Variants in STON1 observed in about 807,000 individuals in gnomAD.
STON1 encodes the protein stonin-1.
Under a neutral mutation model 60.9 loss-of-function variants are expected in STON1, and 79 were observed. That is an observed-to-expected ratio of 1.30 (90% CI 1.08 to 1.56). The LOEUF (loss-of-function observed/expected upper bound fraction) is 1.56. Among genes scored for constraint, STON1 ranks in the 40% most tolerant of loss-of-function variants. STON1 has a pLI of 0.00. For missense variants in STON1, 1,166 were observed against 858.9 expected (o/e 1.36, Z -4.47); for synonymous variants, 363 against 306.9 (o/e 1.18, Z -1.91).
At chr2:48,566,417 C>G (rs1672946728) in intron 1 of STON1, among the ~76,000 whole-genome samples, 1 of 151,304 alleles carries the variant, frequency 6.6e-6, no homozygotes, top group African/African-American at 2.5e-5. Flanking sequence ...GTCAGGTGAT[C>G]TGCCCACCTC....
At chr2:48,562,460 T>G (rs1390396703) in intron 1 of STON1, among the ~76,000 whole-genome samples, 1 of 152,198 alleles carries the variant, frequency 6.6e-6, no homozygotes, top group Admixed American at 6.5e-5. Context: ...GTGACAAGCA[T>G]TTGTTTAAAG....
intron 1 of STON1, among the ~76,000 whole-genome samples, chr2:48,538,400 T>C (rs1671516140): frequency 6.6e-6 from 1 of 152,192 alleles, no homozygotes. Flanking sequence ...TCATAAATGA[T>C]TAGTGATGAA....
chr2:48,582,599 A>G lies in STON1; in HGVS notation c.1930+36A>G. On this transcript the variant is annotated intron_variant, in intron 2 of 3. Transcript: ENST00000404752. The stretch of plus-strand genomic sequence containing the variant: ...AACACCCCAAGTTTATTTTCATGGG[A>G]AATAGCTTAAATATTCTTACCTTCC... The G allele has an allele frequency of 1.3e-6, 2 of 1,576,952 alleles. 1 individual carries two copies. The highest frequency in any genetic ancestry group is 2.4e-5 in the South Asian group (2 of 82,992).
rs1239893169 is a variant in STON1 at position 48,564,497 on chromosome 2, T to C, written c.-47-16090T>C. ...TCTTCTTCTTTCTTCTTCTTCTTCT[T>C]CTTCTTCTTCTTCTTCTTCTTCTTC... On this transcript the variant is annotated intron_variant, in intron 1 of 3. Coordinates refer to ENST00000404752, the MANE Select transcript of STON1 (RefSeq NM_006873.4). 9.2e-3 allele frequency among the ~76,000 whole-genome samples: 216 copies of C among 23,502 alleles called. 3 individuals are homozygous for C. Among genetic ancestry groups the C allele is most frequent in the South Asian group, 0.018 (8 of 438 alleles). The allele number at this position is 23,502 out of a possible 152,430, so 15.4% of individuals were successfully genotyped here. A position where few individuals can be genotyped will look rare whatever the true frequency, so the allele number is the denominator to read the frequency against.
At chr2:48,591,334 A>T (rs2103957104) in intron 2 of STON1, among the ~76,000 whole-genome samples, 1 of 151,076 alleles carries the variant, frequency 6.6e-6, no homozygotes, top group East Asian at 1.9e-4. Context: ...TAATATTTCT[A>T]ATTGAAAACA....
chr2:48,541,784 A>G (rs1039444309), intron 1 of STON1, among the ~76,000 whole-genome samples: 3 of 151,972 alleles, frequency 2.0e-5, no homozygotes, highest in Non-Finnish European at 4.4e-5. Flanking sequence ...TGCATGTGAA[A>G]TCTCCTGCTA....
chr2:48,532,298 G>A (rs1487329432), intron 1 of STON1, among the ~76,000 whole-genome samples: 1 of 151,418 alleles, frequency 6.6e-6, no homozygotes, highest in Non-Finnish European at 1.5e-5. Flanking sequence ...GCAGTGAGCC[G>A]AGATTACACC....
In STON1 at chr2:48,589,693, T is replaced by C. The variant is rs373600136; in HGVS notation, c.1931-1960T>C. Among the ~76,000 whole-genome samples the C allele has an allele frequency of 4.6e-5, 7 of 152,216 alleles. No individual in the cohort carries two copies. In the East Asian group the frequency reaches 1.3e-3, roughly 29 times the overall value. On this transcript the variant is annotated intron_variant, in intron 2 of 3. Coordinates refer to ENST00000404752, the MANE Select transcript of STON1 (RefSeq NM_006873.4). Reference sequence around the variant, plus strand: ...CTTCAATTTGGGTTTAGTTCTTCAATTTTCATCGTAAAATTTCCCCAAATA... The same window carrying C: ...CTTCAATTTGGGTTTAGTTCTTCAACTTTCATCGTAAAATTTCCCCAAATA...
At chr2:48,562,895 C>G (rs1672669065) in intron 1 of STON1, among the ~76,000 whole-genome samples, 1 of 152,234 alleles carries the variant, frequency 6.6e-6, no homozygotes, top group Admixed American at 6.5e-5. Context: ...TCCTTGATAA[C>G]TTGGACAACA....
chr2:48,598,267 G>C lies in STON1; in HGVS notation c.*2965G>C, dbSNP rs945671909. On this transcript the variant is annotated 3_prime_UTR_variant, in exon 4 of 4. Transcript: ENST00000404752. ...AAAGGCTGGAATTTTACAACCTGAT[G>C]TATATATTAGACAGTTCTAGGATGT... The C allele has an allele frequency of 5.2e-5, 8 of 152,402 alleles. No homozygotes were observed. The highest frequency in any genetic ancestry group is 2.0e-4 in the Admixed American group (3 of 15,274). 9.4% of individuals were successfully genotyped at this position (152,402 alleles called of 1,614,324 possible).
At position 48,564,615 on chromosome 2, in the gene STON1, C is replaced by T. The variant is rs1383551518; in HGVS notation, c.-47-15972C>T. ...CCTCCTCCTCCTCCTTCTCCTTCTC[C>T]TTCTCCTTCTCCTTCTCTTTCTCCT... On this transcript the variant is annotated intron_variant, in intron 1 of 3. Coordinates refer to ENST00000404752, the MANE Select transcript of STON1 (RefSeq NM_006873.4). Among the ~76,000 whole-genome samples the T allele has an allele frequency of 2.5e-5, 3 of 120,360 alleles. 1 individual carries two copies. Among genetic ancestry groups the T allele is most frequent in the Admixed American group, 1.8e-4 (2 of 11,354 alleles). The allele number at this position is 120,360 out of a possible 152,430, so 79.0% of individuals were successfully genotyped here.
intron 2 of STON1, among the ~76,000 whole-genome samples, chr2:48,585,807 C>T (rs938319172): frequency 2.6e-5 from 4 of 152,182 alleles, no homozygotes; most frequent in Admixed American, 2.0e-4. Context: ...TGCAGGTTTC[C>T]CCTGAAATCT....
intron 1 of STON1, among the ~76,000 whole-genome samples, chr2:48,560,318 G>C (rs1672557487): frequency 6.6e-6 from 1 of 152,186 alleles, no homozygotes; most frequent in Non-Finnish European, 1.5e-5. Context: ...CATTTTCCCA[G>C]CTTCCTTTGA....
At chr2:48,580,534 T>A (rs1673810999) in intron 1 of STON1, 53 bp from the exon 2 acceptor site, 20 of 1,291,752 alleles carry the variant, frequency 1.5e-5, no homozygotes, top group Non-Finnish European at 1.8e-5. Flanking sequence ...TTAGTAATGA[T>A]TCCCCCCTTC....
At chr2:48,564,410 CTTCTTCTTCT>C (rs1672745637) in intron 1 of STON1, among the ~76,000 whole-genome samples, 3 of 26,104 alleles carry the variant, frequency 1.1e-4, no homozygotes, top group African/African-American at 4.3e-4. Context: ...GCGGTGTCTT[CTTCTTCTTCT>C]TCTTCTTCTT....
intron 2 of STON1, among the ~76,000 whole-genome samples, chr2:48,585,049 C>A (rs1455979123): frequency 1.3e-5 from 2 of 152,148 alleles, no homozygotes; most frequent in African/African-American, 4.8e-5. Context: ...CCACAGCGTT[C>A]TCAAGACTCA....
intron 3 of STON1, 128 bp from the exon 4 acceptor site, chr2:48,595,100 A>G (rs939280584): frequency 2.2e-5 from 16 of 731,682 alleles, no homozygotes; most frequent in Non-Finnish European, 9.6e-6. Flanking sequence ...AGGAGGGTAG[A>G]GGGCTGTGTC....
intron 1 of STON1, among the ~76,000 whole-genome samples, chr2:48,567,523 T>C (rs1347878850): frequency 5.3e-5 from 8 of 152,218 alleles, no homozygotes; most frequent in Non-Finnish European, 1.2e-4. Context: ...GCGATTCTCC[T>C]GCCTCAGCCT....
At chr2:48,563,186 T>A (rs934740194) in intron 1 of STON1, among the ~76,000 whole-genome samples, 2 of 152,150 alleles carry the variant, frequency 1.3e-5, no homozygotes, top group African/African-American at 4.8e-5. Flanking sequence ...TCCCCTGATT[T>A]CTCCACCTTA....
Sources: gnomAD v4.1 joint callset for allele counts (sites outside exome capture counted in the v4.1 genomes callset) on GRCh38, gnomAD v4.1.1 for gene constraint, MANE v1.5 for transcripts, NCBI Gene and HGNC (gene_info 2026-07-23, HGNC 2026-07-21) for gene names.